The following LMO2 variants were observed in gnomAD, a reference collection of about 807,000 sequenced individuals.
LMO2 encodes the protein rhombotin-2.
In LMO2, 20 loss-of-function variants were observed where a neutral mutation model predicts 23.2. The observed-to-expected ratio is 0.86, with a 90% CI of 0.61 to 1.25. The LOEUF is 1.25. Among genes scored for constraint, LMO2 ranks in the 50% most tolerant of loss-of-function variants. The probability of loss-of-function intolerance (pLI) is 0.00; values close to 1 mark genes in which losing one functional copy is unlikely to be tolerated. For missense variants in LMO2, 270 were observed against 315.3 expected (o/e 0.86, Z 1.09); for synonymous variants, 123 against 130.2 (o/e 0.94, Z 0.38).
chr11:33,881,574 A>G (rs151188966), intron 2 of LMO2: 2 of 359,964 alleles, frequency 5.6e-6, no homozygotes, highest in Non-Finnish European at 1.1e-5. Context: ...CAAGAGCCAA[A>G]TCTAAAAAAT....
chr11:33,878,868 A>G (rs1178865174), intron 2 of LMO2, among the ~76,000 whole-genome samples: 1 of 152,224 alleles, frequency 6.6e-6, no homozygotes, highest in African/African-American at 2.4e-5. Context: ...CATGGTTTTC[A>G]TCTTCACTAG....
At chr11:33,883,647 G>T (rs190898843) in intron 1 of LMO2, among the ~76,000 whole-genome samples, 1 of 152,282 alleles carries the variant, frequency 6.6e-6, no homozygotes, top group East Asian at 1.9e-4. Context: ...AAATCGAGTT[G>T]CCCCTTGATG....
chr11:33,889,988 C>T (rs572241107), intron 1 of LMO2, among the ~76,000 whole-genome samples: 17 of 152,284 alleles, frequency 1.1e-4, no homozygotes, highest in African/African-American at 3.9e-4. Flanking sequence ...TCATGTCTCT[C>T]GCAGCCACAT....
chr11:33,888,873 T>A (rs1857476763), intron 1 of LMO2, among the ~76,000 whole-genome samples: 1 of 152,188 alleles, frequency 6.6e-6, no homozygotes, highest in African/African-American at 2.4e-5. Context: ...GCTGAGTGGA[T>A]GAATGAAGTG....
chr11:33,873,170 G>A (rs1857065620), intron 2 of LMO2, among the ~76,000 whole-genome samples: 1 of 152,222 alleles, frequency 6.6e-6, no homozygotes, highest in African/African-American at 2.4e-5. Flanking sequence ...GGTTCCAAGA[G>A]GTAACCTCAG....
Position 33,864,241 on chromosome 11 carries a change from T to C in LMO2, c.464+361A>G, listed in dbSNP as rs1452505202. On this transcript the variant is annotated intron_variant, in intron 5 of 5. Transcript: ENST00000257818. The surrounding 1 kb of genome is among the most constrained non-coding windows in gnomAD (Gnocchi z 4.8). Reference sequence around the variant, plus strand: ...GGTCCTCAGAGCCCACCTCCAAACTTAGAAACACTCCCAGTCCCTCTGATC... The same window carrying C: ...GGTCCTCAGAGCCCACCTCCAAACTCAGAAACACTCCCAGTCCCTCTGATC... Among the ~76,000 whole-genome samples the C allele has an allele frequency of 2.0e-5, 3 of 152,132 alleles. No individual in the cohort carries two copies. Among genetic ancestry groups the C allele is most frequent in the Non-Finnish European group, 4.4e-5 (3 of 68,034 alleles).
rs971456201 is a variant in LMO2, at chr11:33,864,401, T to G, written c.464+201A>C. On this transcript the variant is annotated intron_variant, in intron 5 of 5. Transcript: ENST00000257818. The surrounding 1 kb of genome is among the most constrained non-coding windows in gnomAD (Gnocchi z 4.8). The stretch of plus-strand genomic sequence containing the variant: ...ATTTTACCACATAGGAACGTAACCC[T>G]GAGAACATGCTTCTCAAACAGGAAG... Among the ~76,000 whole-genome samples, 5 of 152,192 alleles carry G rather than the reference T, an allele frequency of 3.3e-5. No homozygotes were observed. Among genetic ancestry groups the G allele is most frequent in the African/African-American group, 9.7e-5 (4 of 41,446 alleles).
At chr11:33,884,144 A>T (rs1458867216) in intron 1 of LMO2, among the ~76,000 whole-genome samples, 1 of 152,138 alleles carries the variant, frequency 6.6e-6, no homozygotes. Context: ...GCAGCGAGGG[A>T]AGCCACTGGT....
At chr11:33,886,705 G>A (rs1565037905) in intron 1 of LMO2, among the ~76,000 whole-genome samples, 1 of 152,214 alleles carries the variant, frequency 6.6e-6, no homozygotes, top group Non-Finnish European at 1.5e-5. Flanking sequence ...GGCATCCGTG[G>A]TGGGGAATAG....
At chr11:33,889,355 G>A (rs190187518) in intron 1 of LMO2, among the ~76,000 whole-genome samples, 10 of 152,318 alleles carry the variant, frequency 6.6e-5, no homozygotes, top group African/African-American at 2.4e-4. Flanking sequence ...CCAGAGCACA[G>A]ATGAGCTCGC....
intron 2 of LMO2, among the ~76,000 whole-genome samples, chr11:33,878,091 A>G (rs1857180060): frequency 6.6e-6 from 1 of 152,204 alleles, no homozygotes; most frequent in South Asian, 2.1e-4. Context: ...TTTATAGAGA[A>G]AAGAGGCAGA....
At chr11:33,871,928 T>G (rs950400027) in intron 2 of LMO2, among the ~76,000 whole-genome samples, 3 of 152,114 alleles carry the variant, frequency 2.0e-5, no homozygotes, top group Non-Finnish European at 4.4e-5. Flanking sequence ...AACCCATCCT[T>G]GACCAGCTGT....
chr11:33,875,431 A>G (rs1359374065), intron 2 of LMO2, among the ~76,000 whole-genome samples: 3 of 152,016 alleles, frequency 2.0e-5, no homozygotes, highest in Non-Finnish European at 2.9e-5. Context: ...TACAAAAACT[A>G]GCCAAGCGAG....
intron 2 of LMO2, among the ~76,000 whole-genome samples, chr11:33,879,162 T>A (rs1369078810): frequency 1.3e-5 from 2 of 152,176 alleles, no homozygotes; most frequent in Non-Finnish European, 2.9e-5. Flanking sequence ...ATTTCTTGGA[T>A]ATGACTCTAA....
chr11:33,882,389 C>T (rs1009285276), intron 1 of LMO2, among the ~76,000 whole-genome samples: 2 of 152,212 alleles, frequency 1.3e-5, no homozygotes, highest in Non-Finnish European at 2.9e-5. Flanking sequence ...GGGCAGGTAG[C>T]CTGGTGCCCA....
intron 2 of LMO2, among the ~76,000 whole-genome samples, chr11:33,875,115 C>G (rs1339013440): frequency 6.6e-6 from 1 of 152,228 alleles, no homozygotes; most frequent in Non-Finnish European, 1.5e-5. Flanking sequence ...TGCCCAACCT[C>G]TCTGCATTTG....
intron 4 of LMO2, among the ~76,000 whole-genome samples, chr11:33,868,486 A>G (rs1310899540): frequency 6.6e-6 from 1 of 152,176 alleles, no homozygotes; most frequent in Non-Finnish European, 1.5e-5. Context: ...TGACAGGAAA[A>G]TGATATCTTA....
At chr11:33,869,625 C>T (rs1355116126) in intron 3 of LMO2, 39 bp from the exon 4 acceptor site, 4 of 1,260,322 alleles carry the variant, frequency 3.2e-6, no homozygotes, top group Middle Eastern at 2.5e-4. Context: ...CACCGGGCTG[C>T]GGGCGCGCCG....
At position 33,888,079 on chromosome 11, in the gene LMO2, C is replaced by T. The variant is rs897087406; in HGVS notation, c.-336+3716G>A. ...GAGTGGGCAATGACAGAGGCACTCA[C>T]GTGACTGGCCAAGACTTGTCTGCAG... On this transcript the variant is annotated intron_variant, in intron 1 of 5. Coordinates refer to ENST00000257818, the MANE Select transcript of LMO2 (RefSeq NM_005574.4). Among the ~76,000 whole-genome samples, 10 of 152,196 alleles carry T rather than the reference C, an allele frequency of 6.6e-5. No homozygotes were observed. The South Asian group carries it at 8.3e-4, about 13-fold the overall frequency.
Sources: allele counts gnomAD v4.1 joint callset (sites outside exome capture counted in the v4.1 genomes callset), GRCh38; gene constraint gnomAD v4.1.1; non-coding constraint Gnocchi (gnomAD v3.1); transcripts MANE v1.5; gene names NCBI Gene and HGNC (gene_info 2026-07-23, HGNC 2026-07-21).